PDE10A: variants seen among roughly 807,000 people sequenced by gnomAD.
PDE10A encodes phosphodiesterase 10A.
In PDE10A, 39 loss-of-function variants were observed where a neutral mutation model predicts 97.7. The observed-to-expected ratio is 0.40, with a 90% CI of 0.31 to 0.52. The LOEUF (loss-of-function observed/expected upper bound fraction) is 0.52. Ranked by LOEUF, PDE10A falls within the 20% of genes least tolerant of loss-of-function variation. The probability of loss-of-function intolerance (pLI) is 0.56; values close to 1 mark genes in which losing one functional copy is unlikely to be tolerated. For synonymous variants in PDE10A, 371 were observed against 376.8 expected (o/e 0.98, Z 0.18); for missense variants, 731 against 1,047.8 (o/e 0.70, Z 4.17).
At chr6:165,389,742 G>A (rs138900615) in intron 16 of PDE10A, among the ~76,000 whole-genome samples, 1,155 of 152,290 alleles carry the variant, frequency 7.6e-3, no homozygotes, top group Middle Eastern at 0.014. Context: ...CCCATGTGGC[G>A]TTTAAGGCCA....
intron 1 of PDE10A, among the ~76,000 whole-genome samples, chr6:165,617,430 A>G (rs866164236): frequency 1.3e-5 from 2 of 151,940 alleles, no homozygotes; most frequent in African/African-American, 2.4e-5. Flanking sequence ...AGGCAACCTC[A>G]CCTCCCAGGT....
At chr6:165,599,695 C>G (rs1196482041) in intron 1 of PDE10A, among the ~76,000 whole-genome samples, 1 of 152,118 alleles carries the variant, frequency 6.6e-6, no homozygotes, top group Non-Finnish European at 1.5e-5. Context: ...AGCAAGCAAG[C>G]ACCCTCCTCA....
At chr6:165,340,506 GTCTCAAACCT>G (rs1450172391) in intron 19 of PDE10A, among the ~76,000 whole-genome samples, 1 of 152,202 alleles carries the variant, frequency 6.6e-6, no homozygotes, top group Non-Finnish European at 1.5e-5. Flanking sequence ...AAAATCAGTG[GTCTCAAACCT>G]TTTGCTTCTC....
intron 1 of PDE10A, among the ~76,000 whole-genome samples, chr6:165,631,541 G>A (rs954656474): frequency 1.6e-4 from 25 of 152,148 alleles, no homozygotes; most frequent in African/African-American, 5.8e-4. Context: ...AAAATGAAAT[G>A]CTAAGTTATC....
chr6:165,821,528 T>C (rs1779569810), intron 1 of PDE10A, among the ~76,000 whole-genome samples: 1 of 108,414 alleles, frequency 9.2e-6, no homozygotes, highest in African/African-American at 2.7e-5. Context: ...ATTATTATTA[T>C]TTTTCCGAGA....
chr6:165,893,602 C>G (rs1230134262), intron 1 of PDE10A, among the ~76,000 whole-genome samples: 3 of 152,028 alleles, frequency 2.0e-5, no homozygotes, highest in African/African-American at 7.3e-5. Context: ...CTGAACTTCT[C>G]ACTCATGCAT....
intron 1 of PDE10A, chr6:165,660,613 G>A (rs867184501): frequency 2.0e-5 from 3 of 152,530 alleles, no homozygotes; most frequent in African/African-American, 7.2e-5. Flanking sequence ...CGGTGAGCCC[G>A]GAGCAGCTTC....
chr6:165,783,960 A>G (rs536247522), intron 1 of PDE10A, among the ~76,000 whole-genome samples: 3 of 152,124 alleles, frequency 2.0e-5, no homozygotes, highest in Non-Finnish European at 4.4e-5. Context: ...TGGCTCACGC[A>G]TGTAATCTCA....
intron 1 of PDE10A, among the ~76,000 whole-genome samples, chr6:165,789,734 A>T (rs1002712804): frequency 2.0e-5 from 3 of 152,192 alleles, no homozygotes; most frequent in African/African-American, 7.2e-5. Flanking sequence ...CAGTCATTGA[A>T]AATGTTAACT....
intron 1 of PDE10A, chr6:165,545,268 T>C (rs1562568018): frequency 2.1e-6 from 1 of 482,874 alleles, no homozygotes; most frequent in South Asian, 1.5e-5. Flanking sequence ...TCAGGAATCT[T>C]AACATATTTT....
At chr6:165,890,857 A>G (rs1477915260) in intron 1 of PDE10A, among the ~76,000 whole-genome samples, 1 of 152,232 alleles carries the variant, frequency 6.6e-6, no homozygotes, top group Non-Finnish European at 1.5e-5. Flanking sequence ...TAATTTCTGT[A>G]TTACTAAAGG....
chr6:165,430,631 C>A (rs1231635985), intron 8 of PDE10A, among the ~76,000 whole-genome samples: 1 of 142,246 alleles, frequency 7.0e-6, no homozygotes, highest in Non-Finnish European at 1.6e-5. Flanking sequence ...CTTACTGAGG[C>A]TTCAGAATTA....
chr6:165,637,663 T>G (rs920628678), intron 1 of PDE10A, among the ~76,000 whole-genome samples: 2 of 152,240 alleles, frequency 1.3e-5, no homozygotes, highest in East Asian at 3.9e-4. Flanking sequence ...GCGTCAATAG[T>G]GCAAGCTTCT....
intron 1 of PDE10A, among the ~76,000 whole-genome samples, chr6:165,955,875 A>C (rs1162147267): frequency 6.6e-6 from 1 of 152,244 alleles, no homozygotes; most frequent in Non-Finnish European, 1.5e-5. Context: ...AACATAAAAC[A>C]TAAAAATATA....
Position 165,388,803 on chromosome 6 carries a change from GA to G in PDE10A, c.2455-351del, listed in dbSNP as rs368685202. ...GATAAAGCAAATCTGCACAAGGAAA[GA>G]AAGGTCAGTTTCAGCAAAATCTATT... On this transcript the variant is annotated intron_variant, in intron 16 of 21. Coordinates refer to ENST00000539869, the MANE Select transcript of PDE10A (RefSeq NM_001385079.1). This position sits in a 1 kb window ranked among gnomAD's most constrained non-coding sequence, Gnocchi z 4.0. Among the ~76,000 whole-genome samples the G allele has an allele frequency of 1.1e-3, 164 of 152,286 alleles. No individual in the cohort carries two copies. The highest frequency in any genetic ancestry group is 3.6e-3 in the African/African-American group (150 of 41,550).
chr6:165,681,450 A>C (rs1028379000), intron 1 of PDE10A, among the ~76,000 whole-genome samples: 2 of 151,146 alleles, frequency 1.3e-5, no homozygotes, highest in African/African-American at 4.9e-5. Flanking sequence ...TTTCCCTTAA[A>C]GCAATGGTGC....
At chr6:165,450,064 T>C (rs1791175736) in intron 4 of PDE10A, among the ~76,000 whole-genome samples, 178 bp downstream of exon 4, 1 of 152,190 alleles carries the variant, frequency 6.6e-6, no homozygotes, top group Non-Finnish European at 1.5e-5. Context: ...ATTTAGAAAG[T>C]TTTAGGTTTG....
At chr6:165,755,118 G>C (rs1793087719) in intron 1 of PDE10A, among the ~76,000 whole-genome samples, 1 of 152,172 alleles carries the variant, frequency 6.6e-6, no homozygotes, top group Non-Finnish European at 1.5e-5. Flanking sequence ...AGATGGACTT[G>C]TGTCATCTAC....
intron 20 of PDE10A, 63 bp downstream of exon 20, chr6:165,339,215 G>T: frequency 1.1e-6 from 1 of 933,130 alleles, no homozygotes; most frequent in Non-Finnish European, 1.8e-6. Flanking sequence ...ATTTATGTAT[G>T]ATTTTATGCC....
Sources: allele counts gnomAD v4.1 joint callset (sites outside exome capture counted in the v4.1 genomes callset), GRCh38; gene constraint gnomAD v4.1.1; non-coding constraint Gnocchi (gnomAD v3.1); transcripts MANE v1.5; gene names NCBI Gene and HGNC (gene_info 2026-07-23, HGNC 2026-07-21).